The following RIC3 variants were observed in gnomAD, a reference collection of about 807,000 sequenced individuals.
RIC3 encodes RIC3 acetylcholine receptor chaperone.
RIC3 carries 28 observed loss-of-function variants against 27.3 expected under a neutral mutation model. The ratio of observed to expected loss-of-function variants is 1.02; its 90% CI spans 0.76 to 1.41. The LOEUF (loss-of-function observed/expected upper bound fraction) is 1.41, where lower values mean the gene tolerates loss of function less well. Ranked by LOEUF, RIC3 falls within the 40% of genes most tolerant of loss-of-function variation. RIC3 has a pLI of 0.00. For missense variants in RIC3, 501 were observed against 444.7 expected (o/e 1.13, Z -1.14); for synonymous variants, 184 against 160.4 (o/e 1.15, Z -1.11).
intron 4 of RIC3, among the ~76,000 whole-genome samples, chr11:8,135,036 T>C (rs1244987532): frequency 2.6e-5 from 4 of 152,230 alleles, no homozygotes; most frequent in Non-Finnish European, 4.4e-5. Flanking sequence ...TTGCCATTGC[T>C]TTTGGTGTCT....
At chr11:8,155,300 G>T (rs1349884658) in intron 1 of RIC3, among the ~76,000 whole-genome samples, 1 of 151,960 alleles carries the variant, frequency 6.6e-6, no homozygotes, top group Non-Finnish European at 1.5e-5. Context: ...TTCTGGCCAG[G>T]TGAGGTGGCT....
intron 5 of RIC3, among the ~76,000 whole-genome samples, chr11:8,120,568 C>T (rs552806795): frequency 2.6e-5 from 4 of 152,158 alleles, no homozygotes; most frequent in Admixed American, 2.6e-4. Flanking sequence ...AGGAGAAATA[C>T]CTAATGTAAA....
At chr11:8,101,618 A>G (rs141606861), downstream of RIC3, 1 of 1,614,194 alleles carries the variant, frequency 6.2e-7, no homozygotes, top group Non-Finnish European at 8.5e-7. Flanking sequence ...GCGTGCGAGT[A>G]GAGGCCTCTT....
In RIC3 at chr11:8,138,302, C is replaced by A; in HGVS notation, c.397G>T (p.Ala133Ser). 6.2e-7 allele frequency: 1 copy of A among 1,613,364 alleles called. No individual in the cohort carries two copies. The highest frequency in any genetic ancestry group is 8.5e-7 in the Non-Finnish European group (1 of 1,179,528). Residue 133 changes from alanine to serine, a missense_variant, in exon 3 of 6, where the codon GCC becomes TCC. Ala to Ser is a moderately conservative substitution (Grantham distance 99). Transcript: ENST00000309737. ...TTCCTGTGGGTGTTTCCAGGCATGG[C>A]AGTATAGCATTTCCCATCCTCTGCA... ...TTAEDGKCYT[A>S]MPGNTHRKIT...
intron 5 of RIC3, among the ~76,000 whole-genome samples, chr11:8,123,787 C>A (rs1204123157): frequency 1.3e-5 from 2 of 151,856 alleles, no homozygotes; most frequent in Non-Finnish European, 2.9e-5. Flanking sequence ...TGCCTATAAT[C>A]CCAGCATTTT....
chr11:8,112,011 G>A lies in RIC3; in HGVS notation c.671-874C>T, dbSNP rs1461407930. 3.3e-5 allele frequency among the ~76,000 whole-genome samples: 5 copies of A among 152,300 alleles called. No homozygotes were observed. The East Asian group carries it at 9.6e-4, about 29-fold the overall frequency. On this transcript the variant is annotated intron_variant, in intron 5 of 5. Coordinates refer to ENST00000309737, the MANE Select transcript of RIC3 (RefSeq NM_001206671.4). ...ACCCATTTGCCCATTATGATAATTGGCAAATTCAACCCTAACGTAAACCAT... is the reference window on the plus strand; with the variant it reads ...ACCCATTTGCCCATTATGATAATTGACAAATTCAACCCTAACGTAAACCAT...
chr11:8,095,527 G>C, the RIC3 span: 137 of 1,612,422 alleles, frequency 8.5e-5, no homozygotes, highest in Non-Finnish European at 1.1e-4. Flanking sequence ...ACTGGCAGAA[G>C]ACAAGTCTGA....
chr11:8,135,891 T>C (rs766237584), intron 4 of RIC3: 1 of 152,148 alleles, frequency 6.6e-6, no homozygotes, highest in Non-Finnish European at 1.5e-5. Context: ...ATTGCACAAA[T>C]TGGTTTAGTC....
chr11:8,157,186 C>G (rs1271482422), intron 1 of RIC3, among the ~76,000 whole-genome samples: 3 of 152,140 alleles, frequency 2.0e-5, no homozygotes, highest in Admixed American at 6.5e-5. Flanking sequence ...TGAACACAGA[C>G]AAAACATGAA....
chr11:8,114,828 G>T (rs948704513), intron 5 of RIC3, among the ~76,000 whole-genome samples: 3 of 151,938 alleles, frequency 2.0e-5, no homozygotes, highest in African/African-American at 7.3e-5. Flanking sequence ...AAAAATACGA[G>T]AATTGAAATG....
intron 4 of RIC3, among the ~76,000 whole-genome samples, chr11:8,134,716 T>C (rs1428260031): frequency 5.9e-5 from 9 of 152,178 alleles, no homozygotes; most frequent in Non-Finnish European, 1.3e-4. Flanking sequence ...TATCTCACTG[T>C]GGTTTTGATT....
intron 1 of RIC3, among the ~76,000 whole-genome samples, chr11:8,150,278 C>A (rs7119468): frequency 0.5 from 76,529 of 151,958 alleles, 21,978 homozygotes; most frequent in African/African-American, 0.79. Flanking sequence ...CTTCTCTTCT[C>A]AATTTATAAA....
At position 8,168,922 on chromosome 11, in the gene RIC3, A is replaced by G. The variant is rs748809243; in HGVS notation, c.68T>C (p.Leu23Pro). The G allele has an allele frequency of 6.2e-7, 1 of 1,611,888 alleles. No individual in the cohort carries two copies. The highest frequency in any genetic ancestry group is 8.5e-7 in the Non-Finnish European group (1 of 1,179,066). Residue 23 changes from leucine to proline, a missense_variant, in exon 1 of 6, where the codon CTG (leucine) becomes CCG (proline). Coordinates refer to ENST00000309737, the MANE Select transcript of RIC3 (RefSeq NM_001206671.4). ...CCCGCGGGACAGGAAGGCCTTGGGC[A>G]GCAGCAGCGACAGAGCCAGGACAAG... ...SGLVLALSLLLPKAFLSRGKR... is the reference protein window; with the variant it reads ...SGLVLALSLLPPKAFLSRGKR...
chr11:8,163,812 TTTTTTTTTTTTTTTTTGGCAGAAACC>T (rs1043327953), intron 1 of RIC3, among the ~76,000 whole-genome samples: 19 of 46,748 alleles, frequency 4.1e-4, no homozygotes, highest in Middle Eastern at 7.9e-3. Context: ...CCAACTGGCA[TTTTTTTTTTTTTTTTTGGCAGAAACC>T]AAAGTGATGA....
chr11:8,140,862 G>C (rs1184559927), intron 1 of RIC3, among the ~76,000 whole-genome samples: 1 of 151,926 alleles, frequency 6.6e-6, no homozygotes, highest in Non-Finnish European at 1.5e-5. Context: ...CCAGAAGAGA[G>C]TGGGGGCCAA....
intron 1 of RIC3, 115 bp from the exon 2 acceptor site, chr11:8,140,308 A>G: frequency 1.1e-6 from 1 of 912,426 alleles, no homozygotes; most frequent in Non-Finnish European, 1.6e-6. Context: ...GAAGAAAAAA[A>G]TGGCAACTTA....
At chr11:8,163,067 A>ACC (rs1300162251) in intron 1 of RIC3, among the ~76,000 whole-genome samples, 1 of 134,034 alleles carries the variant, frequency 7.5e-6, no homozygotes, top group Admixed American at 7.5e-5. Flanking sequence ...ACACACACAC[A>ACC]CCCCCCAAAA....
intron 2 of RIC3, chr11:8,138,583 A>C (rs1948676383): frequency 2.1e-6 from 1 of 465,996 alleles, no homozygotes; most frequent in East Asian, 3.5e-5. Context: ...CTTCAAAGAG[A>C]CTTTACTCCC....
chr11:8,159,038 C>A (rs1366168501), intron 1 of RIC3, among the ~76,000 whole-genome samples: 1 of 150,808 alleles, frequency 6.6e-6, no homozygotes, highest in African/African-American at 2.4e-5. Context: ...GCCACAGAGC[C>A]TCCTTTCTAA....
Sources: allele counts gnomAD v4.1 joint callset (sites outside exome capture counted in the v4.1 genomes callset), GRCh38; gene constraint gnomAD v4.1.1; transcripts MANE v1.5; gene names NCBI Gene and HGNC (gene_info 2026-07-23, HGNC 2026-07-21).